The following RNF220 variants were observed in gnomAD, a reference collection of about 807,000 sequenced individuals.
The protein encoded by RNF220 is E3 ubiquitin-protein ligase RNF220.
Under a neutral mutation model 67.1 loss-of-function variants are expected in RNF220, and 7 were observed. The ratio of observed to expected loss-of-function variants is 0.10; its 90% CI spans 0.06 to 0.20. The LOEUF is 0.20. RNF220 is among the 10% of genes least tolerant of loss of function. RNF220 has a pLI of 1.00. For missense variants in RNF220, 565 were observed against 740.3 expected, an observed-to-expected ratio of 0.76 and a Z score of 2.75; for synonymous variants, 270 against 283.2, an observed-to-expected ratio of 0.95 and a Z score of 0.47.
chr1:44,621,463 C>A lies in RNF220; in HGVS notation c.759-1279C>A, dbSNP rs1006256993. Among the ~76,000 whole-genome samples, 24 of 152,126 alleles carry A rather than the reference C, an allele frequency of 1.6e-4. No homozygotes were observed. Among genetic ancestry groups the A allele is most frequent in the Admixed American group, 3.3e-4 (5 of 15,276 alleles). Reference sequence around the variant, plus strand: ...TGGTACACTGTAGGCTGTTTAACATCCTCTACCTACTCCATGCCAGTAGCA... The same window carrying A: ...TGGTACACTGTAGGCTGTTTAACATACTCTACCTACTCCATGCCAGTAGCA... On this transcript the variant is annotated intron_variant, in intron 3 of 14. Transcript: ENST00000361799. The surrounding 1 kb of genome is among the most constrained non-coding windows in gnomAD (Gnocchi z 4.8).
rs199912972 is a variant in RNF220 at position 44,518,880 on chromosome 1, C to CAA, written c.626-95278_626-95277dup. Reference sequence around the variant, plus strand: ...ACAGAGCAAGACTCCGTCTAAAAAACAAAAAAAACAAAAAAAAAAAAACTT... The same window carrying CAA: ...ACAGAGCAAGACTCCGTCTAAAAAACAAAAAAAAAACAAAAAAAAAAAAACTT... On this transcript the variant is annotated intron_variant, in intron 2 of 14. Transcript: ENST00000361799. Among the ~76,000 whole-genome samples the CAA allele has an allele frequency of 2.2e-5, 3 of 136,312 alleles. No homozygotes were observed. The East Asian group carries it at 6.1e-4, about 28-fold the overall frequency. The allele number at this position is 136,312 out of a possible 152,430, so 89.4% of individuals were successfully genotyped here.
Position 44,425,606 on chromosome 1 carries a change from TGGG to T in RNF220, c.625+12885_625+12887del, listed in dbSNP as rs1205124818. Among the ~76,000 whole-genome samples the T allele has an allele frequency of 3.3e-5, 5 of 152,328 alleles. No homozygotes were observed. The East Asian group carries it at 9.6e-4, about 29-fold the overall frequency. On this transcript the variant is annotated intron_variant, in intron 2 of 14. Transcript: ENST00000361799. ...AGGGCAACAGCACAGTCAGAAGCTC[TGGG>T]CCTGTCATTTACTAGCCGTGTGATG...
Position 44,417,647 on chromosome 1 carries a change from C to T in RNF220, c.625+4925C>T, listed in dbSNP as rs1342895739. On this transcript the variant is annotated intron_variant, in intron 2 of 14. Coordinates refer to ENST00000361799, the MANE Select transcript of RNF220 (RefSeq NM_018150.4). The surrounding 1 kb of genome is among the most constrained non-coding windows in gnomAD (Gnocchi z 4.0). ...TCCCTCCTCGCCCCGCGCCCTCCCT[C>T]CCATCAATTGTCATGCAGAAGTGAT... 1.3e-5 allele frequency among the ~76,000 whole-genome samples: 2 copies of T among 152,240 alleles called. No individual in the cohort carries two copies. Among genetic ancestry groups the T allele is most frequent in the Admixed American group, 6.5e-5 (1 of 15,288 alleles).
chr1:44,537,520 A>G (rs545972054), intron 2 of RNF220, among the ~76,000 whole-genome samples: 1 of 152,308 alleles, frequency 6.6e-6, no homozygotes, highest in South Asian at 2.1e-4. Flanking sequence ...AGGGGGATCC[A>G]TAGACTTCTT....
chr1:44,564,165 T>A (rs1032678116), intron 2 of RNF220, among the ~76,000 whole-genome samples: 3 of 152,198 alleles, frequency 2.0e-5, no homozygotes, highest in African/African-American at 7.2e-5. Context: ...GAGTGGTAAC[T>A]GTTAAAAATA....
At chr1:44,579,512 A>T (rs1665079551) in intron 2 of RNF220, among the ~76,000 whole-genome samples, 1 of 152,234 alleles carries the variant, frequency 6.6e-6, no homozygotes, top group South Asian at 2.1e-4. Flanking sequence ...TGGGGCAAGC[A>T]GCCTCTTACA....
chr1:44,650,748 C>G lies in RNF220; in HGVS notation c.1674C>G (p.Pro558=). The change falls in exon 15 of 15, where the codon CCC becomes CCG. Residue 558 remains proline (P), a synonymous_variant. Coordinates refer to ENST00000361799, the MANE Select transcript of RNF220 (RefSeq NM_018150.4). This position sits in a 1 kb window ranked among gnomAD's most constrained non-coding sequence, Gnocchi z 4.3. ...LCPQCNTITA[P]GDLRRIYL ...CTCAGTGCAACACGATCACAGCGCC[C>G]GGAGACCTGCGGAGGATCTACTTGT... The G allele has an allele frequency of 1.2e-6, 2 of 1,613,866 alleles. No individual in the cohort carries two copies. The highest frequency in any genetic ancestry group is 1.1e-5 in the South Asian group (1 of 91,076).
chr1:44,553,368 ATAAGAATGAATGAATG>A (rs1210819342), intron 2 of RNF220, among the ~76,000 whole-genome samples: 2 of 91,976 alleles, frequency 2.2e-5, no homozygotes, highest in African/African-American at 8.4e-5. Context: ...TTTGCTGAGT[ATAAGAATGAATGAATG>A]AATGAATGAA....
At chr1:44,538,211 CTCA>C (rs1661385837) in intron 2 of RNF220, among the ~76,000 whole-genome samples, 1 of 152,166 alleles carries the variant, frequency 6.6e-6, no homozygotes, top group South Asian at 2.1e-4. Context: ...TTTTCAAACT[CTCA>C]TCAATATTCT....
chr1:44,506,299 GCCAGCTCCTTCC>G (rs1658419182), intron 2 of RNF220, among the ~76,000 whole-genome samples: 1 of 152,216 alleles, frequency 6.6e-6, no homozygotes, highest in Non-Finnish European at 1.5e-5. Flanking sequence ...GGCAGAGTCT[GCCAGCTCCTTCC>G]TGATAGTGGG....
chr1:44,521,897 T>A (rs1176786062), intron 2 of RNF220, among the ~76,000 whole-genome samples: 1 of 145,634 alleles, frequency 6.9e-6, no homozygotes, highest in Non-Finnish European at 1.5e-5. Context: ...AATGAATGAA[T>A]GAATGAAGTG....
intron 2 of RNF220, among the ~76,000 whole-genome samples, chr1:44,437,770 A>T (rs935046303): frequency 6.6e-6 from 1 of 152,224 alleles, no homozygotes; most frequent in Non-Finnish European, 1.5e-5. Flanking sequence ...ATGATCTGCA[A>T]TGTCCTTTTC....
intron 2 of RNF220, among the ~76,000 whole-genome samples, chr1:44,529,494 C>A (rs576258246): frequency 4.0e-4 from 61 of 152,204 alleles, no homozygotes; most frequent in African/African-American, 1.3e-3. Context: ...CCTGCCTCAG[C>A]CACTCGAGTA....
At chr1:44,495,321 G>C (rs1657241230) in intron 2 of RNF220, among the ~76,000 whole-genome samples, 1 of 152,102 alleles carries the variant, frequency 6.6e-6, no homozygotes, top group Admixed American at 6.5e-5. Flanking sequence ...GCTTGGCACA[G>C]AGCAGTTGAT....
intron 2 of RNF220, among the ~76,000 whole-genome samples, chr1:44,548,783 C>T (rs574829996): frequency 2.6e-5 from 4 of 152,332 alleles, no homozygotes; most frequent in African/African-American, 4.8e-5. Context: ...TGAGCCACTG[C>T]GCCCAGCCTC....
At chr1:44,454,628 A>G (rs1365246493) in intron 2 of RNF220, among the ~76,000 whole-genome samples, 2 of 146,546 alleles carry the variant, frequency 1.4e-5, no homozygotes, top group South Asian at 2.1e-4. Context: ...TTTTCAGTCT[A>G]TCTTTACTAA....
intron 2 of RNF220, among the ~76,000 whole-genome samples, chr1:44,439,406 A>G (rs1005654188): frequency 2.4e-4 from 36 of 151,712 alleles, no homozygotes; most frequent in African/African-American, 8.7e-4. Context: ...TGATTTTAAG[A>G]GCTCTTTTTA....
Position 44,622,610 on chromosome 1 carries a change from T to G in RNF220, c.759-132T>G. 3 of 728,912 alleles carry G rather than the reference T, an allele frequency of 4.1e-6. No individual in the cohort carries two copies. Among genetic ancestry groups the G allele is most frequent in the Non-Finnish European group, 4.8e-6 (2 of 417,660 alleles). 45.2% of individuals were successfully genotyped at this position (728,912 alleles called of 1,614,324 possible). On this transcript the variant is annotated intron_variant, in intron 3 of 14. Transcript: ENST00000361799. The surrounding 1 kb of genome is among the most constrained non-coding windows in gnomAD (Gnocchi z 4.3). ...GGCCACTGGGATTGAAAGGACTGGGTGGAGCTTGGCTGAGCTGGGCTGGGC... is the reference window on the plus strand; with the variant it reads ...GGCCACTGGGATTGAAAGGACTGGGGGGAGCTTGGCTGAGCTGGGCTGGGC...
At chr1:44,458,749 C>T (rs1653457784) in intron 2 of RNF220, among the ~76,000 whole-genome samples, 1 of 152,152 alleles carries the variant, frequency 6.6e-6, no homozygotes, top group Non-Finnish European at 1.5e-5. Flanking sequence ...ACTACTACCA[C>T]AGGAATAAAG....
Sources: gnomAD v4.1 joint callset for allele counts (sites outside exome capture counted in the v4.1 genomes callset) on GRCh38, gnomAD v4.1.1 for gene constraint, Gnocchi (gnomAD v3.1) non-coding constraint, MANE v1.5 for transcripts, NCBI Gene and HGNC (gene_info 2026-07-23, HGNC 2026-07-21) for gene names.